INF2: variants seen among roughly 807,000 people sequenced by gnomAD.
INF2 encodes inverted formin 2.
INF2 carries 43 observed loss-of-function variants against 123.5 expected under a neutral mutation model. The observed-to-expected ratio is 0.35, with a 90% CI of 0.27 to 0.45. INF2 has a LOEUF of 0.45. Ranked by LOEUF, INF2 falls within the 20% of genes least tolerant of loss-of-function variation. The pLI, the probability that INF2 is intolerant of heterozygous loss-of-function variation, is 1.00. For synonymous variants in INF2, 851 were observed against 745.0 expected (o/e 1.14, Z -2.32); for missense variants, 1,453 against 1,682.7 (o/e 0.86, Z 2.39).
In INF2 at chr14:104,714,405, TG is replaced by T. The variant is rs780463414; in HGVS notation, c.3244del (p.Ala1082ProfsTer5). On this transcript the variant is annotated frameshift_variant, in exon 21 of 23. Coordinates refer to ENST00000392634, the MANE Select transcript of INF2 (RefSeq NM_022489.4). LOFTEE classifies it high-confidence loss of function. ...LERRSSWYVD[A>X]SDVLTTEDPQ... ...AGAGGCGTTCTTCCTGGTATGTGGATGCCAGCGATGTCCTAACCACTGAGGA... is the reference window on the plus strand; with the variant it reads ...AGAGGCGTTCTTCCTGGTATGTGGATCCAGCGATGTCCTAACCACTGAGGA... The T allele has an allele frequency of 6.2e-7, 1 of 1,604,754 alleles. No individual in the cohort carries two copies. Among genetic ancestry groups the T allele is most frequent in the Non-Finnish European group, 8.5e-7 (1 of 1,176,054 alleles).
chr14:104,709,255 C>G, intron 10 of INF2, 26 bp from the exon 11 acceptor site: 2 of 1,580,282 alleles, frequency 1.3e-6, no homozygotes, highest in African/African-American at 1.3e-5. Flanking sequence ...TTCACTCACC[C>G]CTGCCCGGTC....
In INF2 at chr14:104,714,794, G is replaced by A. The variant is rs754263906; in HGVS notation, c.3632G>A (p.Arg1211Gln). The change falls in exon 21 of 23, where the codon CGG (arginine) becomes CAG (glutamine). Residue 1211 changes from arginine to glutamine, a missense_variant. By Grantham distance (43) the Arg-to-Gln change is conservative. Coordinates refer to ENST00000392634, the MANE Select transcript of INF2 (RefSeq NM_022489.4). ...GGGTCGGGCACACTCCCCAGGGCCC[G>A]GGGCCGGGCCTCAAAGGGGACCGGG... ...SSGSGTLPRARGRASKGTGKR... is the reference protein window; with the variant it reads ...SSGSGTLPRAQGRASKGTGKR... 1.8e-5 allele frequency: 28 copies of A among 1,596,530 alleles called. No individual in the cohort carries two copies. The highest frequency in any genetic ancestry group is 5.4e-5 in the Admixed American group (3 of 56,022).
rs1392515843 is a variant in INF2 at position 104,722,042 on chromosome 14, C to T, written c.*3249C>T. The T allele has an allele frequency of 1.3e-5, 2 of 152,372 alleles. No homozygotes were observed. The highest frequency in any genetic ancestry group is 4.8e-5 in the African/African-American group (2 of 41,462). The allele number at this position is 152,372 out of a possible 1,614,324, so 9.4% of individuals were successfully genotyped here. On this transcript the variant is annotated 3_prime_UTR_variant, in exon 23 of 23. Coordinates refer to ENST00000392634, the MANE Select transcript of INF2 (RefSeq NM_022489.4). ...ACCCTCGTTCTTGCCCAAGGTCACA[C>T]ATCGAGACAGCAGGGCCCAGATGGA...
At chr14:104,705,372 G>A (rs144481319) in intron 5 of INF2, among the ~76,000 whole-genome samples, 53 of 152,038 alleles carry the variant, frequency 3.5e-4, no homozygotes, top group East Asian at 3.3e-3. Context: ...AGCTGAGATC[G>A]TACCACTGCA....
At chr14:104,682,904 A>C (rs1033535427) in intron 1 of INF2, among the ~76,000 whole-genome samples, 1 of 152,026 alleles carries the variant, frequency 6.6e-6, no homozygotes, top group South Asian at 2.1e-4. Flanking sequence ...TCTTCTGTGC[A>C]TGCAGCCTGC....
chr14:104,715,478 C>A, intron 22 of INF2, 138 bp downstream of exon 22: 1 of 824,698 alleles, frequency 1.2e-6, no homozygotes, highest in Non-Finnish European at 2.1e-6. Flanking sequence ...GGCCTTGCCG[C>A]TCCCGCAGCC....
intron 1 of INF2, among the ~76,000 whole-genome samples, chr14:104,691,994 C>T (rs1888975506): frequency 1.3e-5 from 2 of 152,214 alleles, no homozygotes; most frequent in South Asian, 2.1e-4. Context: ...GAGGGGCCGT[C>T]CTCTCTCACA....
At chr14:104,706,843 G>A (rs1415192108) in intron 6 of INF2, 67 bp from the exon 7 acceptor site, 3 of 1,563,578 alleles carry the variant, frequency 1.9e-6, no homozygotes, top group Non-Finnish European at 2.6e-6. Context: ...CTGGCAGACA[G>A]GCCACAGTCC....
In INF2 at chr14:104,719,105, C is replaced by T. The variant is rs1476347228; in HGVS notation, c.*312C>T. On this transcript the variant is annotated 3_prime_UTR_variant, in exon 23 of 23. Transcript: ENST00000392634. ...CCGGTGCAGCCTGCCAAGGGCCAGT[C>T]GGGGGGTGCTGCGTCCTGCCAGTGT... The T allele has an allele frequency of 5.3e-5, 26 of 492,754 alleles. No individual in the cohort carries two copies. Among genetic ancestry groups the T allele is most frequent in the Non-Finnish European group, 8.1e-5 (23 of 282,768 alleles). The allele number at this position is 492,754 out of a possible 1,614,324, so 30.5% of individuals were successfully genotyped here.
rs924852927 is a variant in INF2, at chr14:104,715,165, C to T, written c.3695-119C>T. 42 of 992,828 alleles carry T rather than the reference C, an allele frequency of 4.2e-5. No individual in the cohort carries two copies. In the South Asian group the frequency reaches 5.2e-4, roughly 12 times the overall value. 61.5% of individuals were successfully genotyped at this position (992,828 alleles called of 1,614,324 possible). On this transcript the variant is annotated intron_variant, in intron 21 of 22. Coordinates refer to ENST00000392634, the MANE Select transcript of INF2 (RefSeq NM_022489.4). Reference sequence around the variant, plus strand: ...CCATGTGGCTTAGTGGCCAGAGAACCGGGCAGCCCTCAGAGGGTGTTGGCA... The same window carrying T: ...CCATGTGGCTTAGTGGCCAGAGAACTGGGCAGCCCTCAGAGGGTGTTGGCA...
upstream of INF2, chr14:104,689,355 C>A: frequency 1.4e-6 from 1 of 737,272 alleles, no homozygotes; most frequent in Non-Finnish European, 1.7e-6. Flanking sequence ...CGGGAGACGG[C>A]CCCGATCTGC....
chr14:104,713,440 C>T lies in INF2; in HGVS notation c.2879-5C>T, dbSNP rs746770947. ...GCCGCTCTCTGAGTGCCCCACGCTC[C>T]TCAGTCAGGAAGGGGCCCGGGAAGC... is the stretch of plus-strand genomic sequence containing the variant. On this transcript the variant is annotated splice_region_variant and splice_polypyrimidine_tract_variant and intron_variant, in intron 19 of 22. Transcript: ENST00000392634. 1.2e-5 allele frequency: 19 copies of T among 1,609,216 alleles called. No homozygotes were observed. The highest frequency in any genetic ancestry group is 1.7e-5 in the Admixed American group (1 of 59,542).
chr14:104,682,666 A>G (rs1278394448), intron 1 of INF2, among the ~76,000 whole-genome samples: 1 of 152,150 alleles, frequency 6.6e-6, no homozygotes, highest in Non-Finnish European at 1.5e-5. Context: ...AAAGAGTCTG[A>G]TATACTTCCA....
intron 1 of INF2, among the ~76,000 whole-genome samples, chr14:104,683,183 TG>T (rs1220115939): frequency 3.1e-4 from 4 of 12,720 alleles, no homozygotes; most frequent in African/African-American, 5.9e-4. Context: ...GTGGCTGCAA[TG>T]GGGGAGGGGA....
rs1025926136 is a variant in INF2 at position 104,684,228 on chromosome 14, G to A, written c.-104+2646G>A. ...GACAACTGAGGCAACCGAGAAGGAG[G>A]CTGGGGAGGGACAGCTCGAGGGCTC... is the stretch of plus-strand genomic sequence containing the variant. On this transcript the variant is annotated intron_variant, in intron 1 of 2. Coordinates refer to the INF2 transcript ENST00000674723. The surrounding 1 kb of genome is among the most constrained non-coding windows in gnomAD (Gnocchi z 5.0). The A allele has an allele frequency of 6.8e-6, 3 of 441,226 alleles. No homozygotes were observed. The highest frequency in any genetic ancestry group is 1.4e-5 in the Non-Finnish European group (3 of 217,802). The allele number at this position is 441,226 out of a possible 1,614,324, so 27.3% of individuals were successfully genotyped here. A position where few individuals can be genotyped will look rare whatever the true frequency, so the allele number is the denominator to read the frequency against.
intron 1 of INF2, among the ~76,000 whole-genome samples, chr14:104,692,692 G>C (rs894495248): frequency 7.2e-5 from 11 of 152,174 alleles, no homozygotes; most frequent in Non-Finnish European, 1.0e-4. Context: ...CTGGACCCCG[G>C]AGCCCTCCCA....
intron 1 of INF2, among the ~76,000 whole-genome samples, chr14:104,694,775 G>T (rs919151415): frequency 3.9e-5 from 6 of 152,192 alleles, no homozygotes; most frequent in African/African-American, 1.4e-4. Flanking sequence ...CTGCTCCTGG[G>T]AAGGCAGCTG....
Position 104,707,675 on chromosome 14 carries a change from G to T in INF2, c.1408G>T (p.Ala470Ser). 1.0e-6 allele frequency: 1 copy of T among 953,192 alleles called. No individual in the cohort carries two copies. The highest frequency in any genetic ancestry group is 1.6e-6 in the Non-Finnish European group (1 of 634,826). 59.0% of individuals were successfully genotyped at this position (953,192 alleles called of 1,614,324 possible). A position where few individuals can be genotyped will look rare whatever the true frequency, so the allele number is the denominator to read the frequency against. ...ACCCCTGCCAGGCCTGGGGGCCATGGCCCCCCCAGCACCTCCTCTACCACC... is the reference window on the plus strand; with the variant it reads ...ACCCCTGCCAGGCCTGGGGGCCATGTCCCCCCCAGCACCTCCTCTACCACC... ...PPPLPGLGAM[A>S]PPAPPLPPPL... Residue 470 changes from alanine (A) to serine (S), a missense_variant, in exon 8 of 23, where the codon GCC becomes TCC. Around this residue, in one of 8 missense-constraint regions of INF2, gnomAD observed 374 missense variants for 303.7 expected, o/e 1.23. Transcript: ENST00000392634.
rs201357021 is a variant in INF2 at position 104,699,067 on chromosome 14, A to G, written c.-9-2290A>G. Among the ~76,000 whole-genome samples the G allele has an allele frequency of 6.6e-6, 1 of 152,114 alleles. No homozygotes were observed. Among genetic ancestry groups the G allele is most frequent in the Non-Finnish European group, 1.5e-5 (1 of 68,022 alleles). On this transcript the variant is annotated intron_variant, in intron 1 of 22. Coordinates refer to ENST00000392634, the MANE Select transcript of INF2 (RefSeq NM_022489.4). This position sits in a 1 kb window ranked among gnomAD's most constrained non-coding sequence, Gnocchi z 4.7. ...TTGCACAGGGCAAGGAGCGCTGGGC[A>G]GTGCCAAGAGGGGCAGTACTCAGGT...
Sources: allele counts gnomAD v4.1 joint callset (sites outside exome capture counted in the v4.1 genomes callset), GRCh38; gene constraint gnomAD v4.1.1; regional missense constraint gnomAD v4.1.1; non-coding constraint Gnocchi (gnomAD v3.1); transcripts MANE v1.5; gene names NCBI Gene and HGNC (gene_info 2026-07-23, HGNC 2026-07-21).